Variants in REV3L observed in about 807,000 individuals in gnomAD.
The protein encoded by REV3L is DNA polymerase zeta catalytic subunit.
Under a neutral mutation model 299.4 loss-of-function variants are expected in REV3L, and 69 were observed. The ratio of observed to expected loss-of-function variants is 0.23; its 90% CI spans 0.19 to 0.28. REV3L has a LOEUF of 0.28. Among genes scored for constraint, REV3L ranks in the 10% least tolerant of loss-of-function variants. The pLI is 1.00. For synonymous variants in REV3L, 1,238 were observed against 1,271.4 expected, an observed-to-expected ratio of 0.97 and a Z score of 0.56; for missense variants, 3,128 against 3,693.8, an observed-to-expected ratio of 0.85 and a Z score of 3.97.
intron 19 of REV3L, among the ~76,000 whole-genome samples, chr6:111,350,528 G>C (rs1777477229): frequency 6.6e-6 from 1 of 150,862 alleles, no homozygotes; most frequent in East Asian, 1.9e-4. Flanking sequence ...GGACACACAA[G>C]CTACACAAAA....
intron 1 of REV3L, among the ~76,000 whole-genome samples, chr6:111,436,108 C>T (rs1787517227): frequency 6.6e-6 from 1 of 152,194 alleles, no homozygotes; most frequent in Non-Finnish European, 1.5e-5. Flanking sequence ...AATGCGATAT[C>T]ATCTCACCCC....
intron 16 of REV3L, among the ~76,000 whole-genome samples, chr6:111,362,445 C>T (rs1180157617): frequency 1.3e-5 from 2 of 152,116 alleles, no homozygotes; most frequent in African/African-American, 4.8e-5. Context: ...GGTTACTAAT[C>T]CTCTGCTTTA....
intron 1 of REV3L, chr6:111,430,624 A>C: frequency 2.6e-6 from 4 of 1,526,404 alleles, no homozygotes; most frequent in Non-Finnish European, 3.6e-6. Context: ...CAGAGTGGGG[A>C]GGACAGAGGC....
chr6:111,346,521 A>G (rs942665570), intron 20 of REV3L, among the ~76,000 whole-genome samples: 1 of 152,188 alleles, frequency 6.6e-6, no homozygotes. Context: ...GTCCTGCTTT[A>G]TCTCTCAGGC....
chr6:111,328,257 A>T (rs2343613), intron 25 of REV3L, among the ~76,000 whole-genome samples: 9,370 of 152,192 alleles, frequency 0.062, 560 homozygotes, highest in African/African-American at 0.15. Context: ...GACTTAAAAA[A>T]TTTTTTTAGT....
At chr6:111,428,909 T>C (rs570175496) in intron 1 of REV3L, among the ~76,000 whole-genome samples, 41 of 152,170 alleles carry the variant, frequency 2.7e-4, no homozygotes, top group Middle Eastern at 3.4e-3. Context: ...CCAAATAGAT[T>C]TGATGCAAAT....
chr6:111,406,583 G>C (rs1783651839), intron 3 of REV3L, among the ~76,000 whole-genome samples: 1 of 152,154 alleles, frequency 6.6e-6, no homozygotes, highest in South Asian at 2.1e-4. Flanking sequence ...GGGGTGAAAT[G>C]ATCAGGCCTT....
intron 31 of REV3L, among the ~76,000 whole-genome samples, chr6:111,304,493 A>G (rs1181643571): frequency 2.6e-5 from 4 of 152,174 alleles, no homozygotes; most frequent in Admixed American, 6.5e-5. Flanking sequence ...GCTTCATTAA[A>G]AATTTCTACA....
At chr6:111,371,451 C>T (rs950113003) in intron 13 of REV3L, among the ~76,000 whole-genome samples, 1 of 152,008 alleles carries the variant, frequency 6.6e-6, no homozygotes, top group Non-Finnish European at 1.5e-5. Flanking sequence ...AATGCAGCGG[C>T]GTGAACACAG....
At chr6:111,352,655 G>A (rs923455333) in intron 18 of REV3L, among the ~76,000 whole-genome samples, 3 of 152,128 alleles carry the variant, frequency 2.0e-5, no homozygotes, top group Admixed American at 6.5e-5. Flanking sequence ...GTAATGACAA[G>A]TTTGTCCTTT....
At position 111,426,844 on chromosome 6, in the gene REV3L, CAGT is replaced by C. The variant is rs528885935; in HGVS notation, c.140-10375_140-10373del. 2.0e-4 allele frequency among the ~76,000 whole-genome samples: 31 copies of C among 152,284 alleles called. No individual in the cohort carries two copies. The South Asian group carries it at 6.2e-3, about 31-fold the overall frequency. On this transcript the variant is annotated intron_variant, in intron 1 of 31. Coordinates refer to ENST00000368802, the MANE Select transcript of REV3L (RefSeq NM_001372078.1). ...CAGTCTTAAAAAACAAAGCTTCTAA[CAGT>C]AGTTTCAAGCACAAATCTCCAAGAA...
intron 1 of REV3L, among the ~76,000 whole-genome samples, chr6:111,456,109 T>C (rs1053700306): frequency 6.6e-6 from 1 of 152,222 alleles, no homozygotes; most frequent in South Asian, 2.1e-4. Context: ...GTATACTCTA[T>C]GATGTTCACA....
intron 1 of REV3L, among the ~76,000 whole-genome samples, chr6:111,481,434 A>C (rs1793624974): frequency 6.6e-6 from 1 of 152,236 alleles, no homozygotes; most frequent in Non-Finnish European, 1.5e-5. Flanking sequence ...CCATCTTTCA[A>C]GGTTCATATC....
In REV3L at chr6:111,333,283, T is replaced by A; in HGVS notation, c.7765A>T (p.Met2589Leu). The A allele has an allele frequency of 6.2e-7, 1 of 1,614,112 alleles. No homozygotes were observed. Residue 2589 changes from methionine (M) to leucine (L), a missense_variant, in exon 23 of 32, where the codon ATG (methionine) becomes TTG (leucine). By Grantham distance (15) the Met-to-Leu change is conservative. Transcript: ENST00000368802. ...AGAGGAACACACTGTGGGGCTCTCA[T>A]CTGGGATCTTTGCTGAACACTAGGT... Reference protein sequence around the residue: ...VTPSVQQRSQMRAPQCVPLIM... With the variant: ...VTPSVQQRSQLRAPQCVPLIM...
intron 28 of REV3L, 72 bp downstream of exon 28, chr6:111,313,280 G>T (rs1271055855): frequency 2.1e-6 from 3 of 1,396,108 alleles, no homozygotes; most frequent in Non-Finnish European, 1.9e-6. Flanking sequence ...CATGTTTAAG[G>T]GTAGTTACAT....
At chr6:111,347,403 C>T (rs774125077) in intron 20 of REV3L, among the ~76,000 whole-genome samples, 1 of 151,782 alleles carries the variant, frequency 6.6e-6, no homozygotes, top group Non-Finnish European at 1.5e-5. Flanking sequence ...CTCTAACACT[C>T]TTCTATTATT....
intron 21 of REV3L, among the ~76,000 whole-genome samples, chr6:111,337,193 G>A (rs1775993228): frequency 6.6e-6 from 1 of 152,082 alleles, no homozygotes; most frequent in African/African-American, 2.4e-5. Context: ...TGATGATGTT[G>A]TACAACTCTG....
intron 1 of REV3L, among the ~76,000 whole-genome samples, chr6:111,452,687 G>T (rs201770016): frequency 6.6e-6 from 1 of 152,144 alleles, no homozygotes; most frequent in African/African-American, 2.4e-5. Flanking sequence ...ACTTTTTAGG[G>T]TGATAGAAAT....
intron 26 of REV3L, among the ~76,000 whole-genome samples, chr6:111,319,388 G>T (rs1339335351): frequency 1.3e-5 from 2 of 152,102 alleles, no homozygotes; most frequent in Non-Finnish European, 2.9e-5. Context: ...GTGAACCTGG[G>T]AGGCAGAGCA....
Sources: gnomAD v4.1 joint callset for allele counts (sites outside exome capture counted in the v4.1 genomes callset) on GRCh38, gnomAD v4.1.1 for gene constraint, MANE v1.5 for transcripts, NCBI Gene and HGNC (gene_info 2026-07-23, HGNC 2026-07-21) for gene names.